MAF: variants seen among roughly 807,000 people sequenced by gnomAD.
MAF encodes the protein MAF bZIP transcription factor.
MAF carries 10 observed loss-of-function variants against 22.0 expected under a neutral mutation model. That is an observed-to-expected ratio of 0.45 (90% CI 0.28 to 0.77). The LOEUF is 0.77. Ranked by LOEUF, MAF falls within the 30% of genes least tolerant of loss-of-function variation. MAF has a pLI of 0.12. For synonymous variants in MAF, 337 were observed against 255.8 expected (o/e 1.32, Z -3.03); for missense variants, 544 against 548.4 (o/e 0.99, Z 0.08).
At chr16:79,372,857 C>T in the MAF span, among the ~76,000 whole-genome samples, 1 of 152,202 alleles carries the variant, frequency 6.6e-6, no homozygotes, top group Non-Finnish European at 1.5e-5. Flanking sequence ...CACTCATACT[C>T]ACCTATTTCT....
At chr16:79,351,197 C>T in the MAF span, among the ~76,000 whole-genome samples, 2 of 152,174 alleles carry the variant, frequency 1.3e-5, no homozygotes, top group African/African-American at 4.8e-5. Flanking sequence ...ACTCTCTTGG[C>T]TTGTTTATCC....
At chr16:79,262,959 C>G in the MAF span, among the ~76,000 whole-genome samples, 1 of 152,270 alleles carries the variant, frequency 6.6e-6, no homozygotes, top group Middle Eastern at 3.4e-3. Flanking sequence ...CAATCAGATA[C>G]ACATTTATCC....
chr16:79,465,690 G>A, the MAF span, among the ~76,000 whole-genome samples: 7 of 152,132 alleles, frequency 4.6e-5, no homozygotes, highest in Non-Finnish European at 1.0e-4. Context: ...CTGTGTGTAC[G>A]TTTCACCTTC....
the MAF span, among the ~76,000 whole-genome samples, chr16:79,568,539 AG>A: frequency 6.6e-6 from 1 of 152,352 alleles, no homozygotes; most frequent in Admixed American, 6.5e-5. Context: ...CACTGAGGCT[AG>A]AAACATGAGG....
chr16:79,357,826 G>C, the MAF span, among the ~76,000 whole-genome samples: 1 of 152,142 alleles, frequency 6.6e-6, no homozygotes, highest in Non-Finnish European at 1.5e-5. Flanking sequence ...TGACATCTGA[G>C]GTCCTCCATG....
the MAF span, among the ~76,000 whole-genome samples, chr16:79,497,961 A>T: frequency 6.6e-6 from 1 of 152,200 alleles, no homozygotes; most frequent in Admixed American, 6.5e-5. Flanking sequence ...AGACCAGAAG[A>T]CACCACTCTG....
At chr16:79,258,499 T>C in the MAF span, among the ~76,000 whole-genome samples, 1 of 152,158 alleles carries the variant, frequency 6.6e-6, no homozygotes, top group Non-Finnish European at 1.5e-5. Context: ...CTCTCTCCTG[T>C]AATGGAGCTA....
chr16:79,391,921 A>AGGAGAAGGAGGAGGG, the MAF span, among the ~76,000 whole-genome samples: 7 of 145,190 alleles, frequency 4.8e-5, 1 homozygote, highest in African/African-American at 1.0e-4. Flanking sequence ...AAGGAGGAGG[A>AGGAGAAGGAGGAGGG]GGAGAAGGAG....
At chr16:79,377,273 A>G in the MAF span, among the ~76,000 whole-genome samples, 2 of 152,356 alleles carry the variant, frequency 1.3e-5, no homozygotes, top group Non-Finnish European at 2.9e-5. Flanking sequence ...TCTGATGGCC[A>G]GTGATGATGA....
chr16:79,593,986 C>A lies in MAF; in HGVS notation c.*474G>T, dbSNP rs538293475. The A allele has an allele frequency of 1.1e-3, 235 of 214,990 alleles. 1 individual carries two copies. Among genetic ancestry groups the A allele is most frequent in the African/African-American group, 4.9e-3 (217 of 43,880 alleles). 13.3% of individuals were successfully genotyped at this position (214,990 alleles called of 1,614,324 possible). ...GGCTCGGCTCCGCTGGAGCCTCTGCCCGTGGATTTGTTTAGGGAAGGGGAG... is the reference window on the plus strand; with the variant it reads ...GGCTCGGCTCCGCTGGAGCCTCTGCACGTGGATTTGTTTAGGGAAGGGGAG... On this transcript the variant is annotated 3_prime_UTR_variant, in exon 2 of 2. Coordinates refer to ENST00000326043, the MANE Select transcript of MAF (RefSeq NM_005360.5).
At chr16:79,352,714 C>T in the MAF span, among the ~76,000 whole-genome samples, 1 of 152,192 alleles carries the variant, frequency 6.6e-6, no homozygotes, top group Non-Finnish European at 1.5e-5. Flanking sequence ...GCTTCTCGGC[C>T]TCAGTGCTAT....
chr16:79,299,038 T>C, the MAF span, among the ~76,000 whole-genome samples: 1 of 152,238 alleles, frequency 6.6e-6, no homozygotes, highest in African/African-American at 2.4e-5. Flanking sequence ...GTGGTGCTGA[T>C]GGGCACTGGG....
At chr16:79,211,034 A>AGAGTGTGTGTGTGT in the MAF span, among the ~76,000 whole-genome samples, 1 of 149,602 alleles carries the variant, frequency 6.7e-6, no homozygotes, top group South Asian at 2.2e-4. Flanking sequence ...TATGGTGAGG[A>AGAGTGTGTGTGTGT]GTGTGTGTGT....
the MAF span, among the ~76,000 whole-genome samples, chr16:79,363,093 A>G: frequency 6.6e-6 from 1 of 152,140 alleles, no homozygotes; most frequent in Non-Finnish European, 1.5e-5. Context: ...ACATGCAGGG[A>G]AGAAGAGGGG....
chr16:79,366,592 C>A, the MAF span, among the ~76,000 whole-genome samples: 5 of 152,274 alleles, frequency 3.3e-5, 1 homozygote, highest in East Asian at 9.6e-4. Flanking sequence ...TTACTTTGAT[C>A]AAGGAAACTT....
chr16:79,230,138 C>G, the MAF span, among the ~76,000 whole-genome samples: 10 of 152,164 alleles, frequency 6.6e-5, no homozygotes, highest in East Asian at 1.9e-3. Flanking sequence ...GTAGGCAAGC[C>G]CTATCTTTGA....
the MAF span, chr16:79,212,310 C>G: frequency 3.4e-6 from 3 of 879,002 alleles, no homozygotes; most frequent in Admixed American, 3.0e-5. Flanking sequence ...GCTGGGGAGA[C>G]AAATCTCAGA....
chr16:79,442,910 G>A, the MAF span, among the ~76,000 whole-genome samples: 142 of 152,314 alleles, frequency 9.3e-4, 1 homozygote, highest in African/African-American at 3.4e-3. Flanking sequence ...GGGAGCTGCA[G>A]ACTTAATCCA....
chr16:79,447,331 CAA>C, the MAF span, among the ~76,000 whole-genome samples: 19,649 of 98,336 alleles, frequency 0.2, 1,517 homozygotes, highest in East Asian at 0.35. Context: ...ACCTACTGCT[CAA>C]AAAAAAAAAA....
Sources: allele counts gnomAD v4.1 joint callset (sites outside exome capture counted in the v4.1 genomes callset), GRCh38; gene constraint gnomAD v4.1.1; transcripts MANE v1.5; gene names NCBI Gene and HGNC (gene_info 2026-07-23, HGNC 2026-07-21).